The following JADE2 variants were observed in gnomAD, a reference collection of about 807,000 sequenced individuals.
JADE2 encodes the protein jade family PHD finger 2.
JADE2 carries 13 observed loss-of-function variants against 85.7 expected under a neutral mutation model. The ratio of observed to expected loss-of-function variants is 0.15; its 90% CI spans 0.10 to 0.24. The LOEUF (loss-of-function observed/expected upper bound fraction) is 0.24, where lower values mean the gene tolerates loss of function less well. Among genes scored for constraint, JADE2 ranks in the 10% least tolerant of loss-of-function variants. The probability of loss-of-function intolerance (pLI) is 1.00; values close to 1 mark genes in which losing one functional copy is unlikely to be tolerated. For missense variants in JADE2, 846 were observed against 1,115.9 expected (o/e 0.76, Z 3.45); for synonymous variants, 440 against 456.1 (o/e 0.96, Z 0.45).
chr5:134,543,823 AG>A (rs1471975500), intron 3 of JADE2, among the ~76,000 whole-genome samples: 1 of 152,096 alleles, frequency 6.6e-6, no homozygotes, highest in Non-Finnish European at 1.5e-5. Flanking sequence ...AGCTGTGGCT[AG>A]GTTGAAGGAG....
chr5:134,542,365 T>C (rs1762011753), intron 3 of JADE2, among the ~76,000 whole-genome samples: 2 of 152,184 alleles, frequency 1.3e-5, no homozygotes, highest in Non-Finnish European at 2.9e-5. Flanking sequence ...CAGAGATTAT[T>C]GTTTTAATAC....
At chr5:134,537,290 G>C (rs536905287) in intron 2 of JADE2, among the ~76,000 whole-genome samples, 1 of 152,312 alleles carries the variant, frequency 6.6e-6, no homozygotes, top group Non-Finnish European at 1.5e-5. Context: ...TCATAAGGGC[G>C]GAGGCCACAG....
rs1196809423 is a variant in JADE2 at position 134,581,049 on chromosome 5, CT to C, written c.*1733del. ...GGAACAGCTTGACCTTCATCCACCCCTAACTCCAAAACTATCAAGGTACGAC... is the reference window on the plus strand; with the variant it reads ...GGAACAGCTTGACCTTCATCCACCCCAACTCCAAAACTATCAAGGTACGAC... On this transcript the variant is annotated 3_prime_UTR_variant, in exon 12 of 12. Transcript: ENST00000681547. 1 of 152,592 alleles carries C rather than the reference CT, an allele frequency of 6.6e-6. No homozygotes were observed. The highest frequency in any genetic ancestry group is 1.5e-5 in the Non-Finnish European group (1 of 68,044). The allele number at this position is 152,592 out of a possible 1,614,324, so 9.5% of individuals were successfully genotyped here. A position where few individuals can be genotyped will look rare whatever the true frequency, so the allele number is the denominator to read the frequency against.
At chr5:134,527,836 G>T (rs1387023013) in intron 1 of JADE2, among the ~76,000 whole-genome samples, 4 of 152,206 alleles carry the variant, frequency 2.6e-5, no homozygotes, top group African/African-American at 7.2e-5. Flanking sequence ...GGGAGGTGAA[G>T]GGTCACTGGG....
intron 3 of JADE2, 121 bp downstream of exon 3, chr5:134,538,204 G>T: frequency 1.4e-6 from 1 of 726,730 alleles, no homozygotes. Flanking sequence ...CAGCGTGGCC[G>T]AGTGGAATGA....
chr5:134,564,473 A>T, intron 7 of JADE2, 21 bp from the exon 8 acceptor site: 2 of 1,518,100 alleles, frequency 1.3e-6, no homozygotes, highest in Non-Finnish European at 1.8e-6. Flanking sequence ...GGAATGATGC[A>T]GCCCCCTGTG....
chr5:134,535,561 AG>A (rs1450362646), intron 1 of JADE2, among the ~76,000 whole-genome samples: 1 of 152,040 alleles, frequency 6.6e-6, no homozygotes, highest in African/African-American at 2.4e-5. Flanking sequence ...GTCACTATTC[AG>A]TTTGGGCTTG....
At chr5:134,526,712 C>A in intron 1 of JADE2, 1 of 985,462 alleles carries the variant, frequency 1.0e-6, no homozygotes, top group Non-Finnish European at 1.2e-6. Context: ...GGAGGCTCTG[C>A]ACAAATTAGA....
At chr5:134,563,378 C>T (rs929322285) in intron 7 of JADE2, among the ~76,000 whole-genome samples, 1 of 150,916 alleles carries the variant, frequency 6.6e-6, no homozygotes, top group African/African-American at 2.4e-5. Context: ...GGGCCTGCTG[C>T]TATGGCTGCG....
At chr5:134,548,866 G>A (rs193219552) in intron 3 of JADE2, among the ~76,000 whole-genome samples, 37 of 152,282 alleles carry the variant, frequency 2.4e-4, no homozygotes, top group African/African-American at 6.7e-4. Context: ...GCTCAGAGGC[G>A]CTTGTTCAGG....
chr5:134,553,474 C>T, intron 4 of JADE2, among the ~76,000 whole-genome samples: 1 of 152,136 alleles, frequency 6.6e-6, no homozygotes, highest in Non-Finnish European at 1.5e-5. Flanking sequence ...CTGCCTCAGC[C>T]TCCCGAATAG....
chr5:134,576,392 G>A (rs1272487321), intron 10 of JADE2, among the ~76,000 whole-genome samples: 1 of 152,132 alleles, frequency 6.6e-6, no homozygotes, highest in Non-Finnish European at 1.5e-5. Context: ...GACCCCTCAG[G>A]TAGTGTTCCT....
intron 3 of JADE2, among the ~76,000 whole-genome samples, chr5:134,540,257 C>T (rs1340466134): frequency 6.6e-6 from 1 of 151,868 alleles, no homozygotes; most frequent in African/African-American, 2.4e-5. Flanking sequence ...CTCCCTCTGT[C>T]ACTCAGGATG....
At chr5:134,549,459 G>A (rs59421676) in intron 3 of JADE2, among the ~76,000 whole-genome samples, 29,955 of 151,920 alleles carry the variant, frequency 0.2, 3,164 homozygotes, top group East Asian at 0.38. Context: ...TCAGGAGTTC[G>A]AGACCAGCCT....
chr5:134,541,071 G>A (rs1167456916), intron 3 of JADE2, among the ~76,000 whole-genome samples: 5 of 152,180 alleles, frequency 3.3e-5, no homozygotes, highest in Non-Finnish European at 7.3e-5. Flanking sequence ...GTGGCCCTGG[G>A]TCCAAGCCCA....
chr5:134,572,151 G>A (rs897264670), intron 9 of JADE2, among the ~76,000 whole-genome samples: 2 of 152,246 alleles, frequency 1.3e-5, no homozygotes, highest in African/African-American at 4.8e-5. Flanking sequence ...GTTTTGACAG[G>A]AAGGTGGTTC....
chr5:134,539,208 C>A (rs1212702651), intron 3 of JADE2, among the ~76,000 whole-genome samples: 1 of 151,984 alleles, frequency 6.6e-6, no homozygotes, highest in Non-Finnish European at 1.5e-5. Context: ...ACTACAGGCG[C>A]CCGCCACCAC....
chr5:134,579,252 G>C lies in JADE2; in HGVS notation c.2440G>C (p.Val814Leu). The C allele has an allele frequency of 6.2e-7, 1 of 1,613,916 alleles. No homozygotes were observed. ...AGATGTAGAGGCCGAGGACGGTGGGGTGCAGCGGGGTCCCCGGGAGGCAGG... is the reference window on the plus strand; with the variant it reads ...AGATGTAGAGGCCGAGGACGGTGGGCTGCAGCGGGGTCCCCGGGAGGCAGG... Reference protein sequence around the residue: ...DSDVEAEDGGVQRGPREAGAE... With the variant: ...DSDVEAEDGGLQRGPREAGAE... Residue 814 changes from valine to leucine, a missense_variant, in exon 12 of 12, where the codon GTG (valine) becomes CTG (leucine). Physicochemically the swap from Val to Leu is conservative, Grantham distance 32 (BLOSUM62 1). Around this residue, in one of 9 missense-constraint regions of JADE2, gnomAD observed 300 missense variants for 300.7 expected, o/e 1.00. Coordinates refer to ENST00000681547, the MANE Select transcript of JADE2 (RefSeq NM_001388185.1). The surrounding 1 kb of genome is among the most constrained non-coding windows in gnomAD (Gnocchi z 4.6).
intron 1 of JADE2, among the ~76,000 whole-genome samples, chr5:134,528,719 A>C (rs1761041832): frequency 6.6e-6 from 1 of 152,204 alleles, no homozygotes; most frequent in Non-Finnish European, 1.5e-5. Context: ...CACAGAGGGA[A>C]GTCCTCGCCC....
Sources: allele counts gnomAD v4.1 joint callset (sites outside exome capture counted in the v4.1 genomes callset), GRCh38; gene constraint gnomAD v4.1.1; regional missense constraint gnomAD v4.1.1; non-coding constraint Gnocchi (gnomAD v3.1); transcripts MANE v1.5; gene names NCBI Gene and HGNC (gene_info 2026-07-23, HGNC 2026-07-21).